DLG2: variants seen among roughly 807,000 people sequenced by gnomAD.
DLG2 encodes the protein discs large MAGUK scaffold protein 2.
In DLG2, 45 loss-of-function variants were observed where a neutral mutation model predicts 132.5. That is an observed-to-expected ratio of 0.34 (90% CI 0.27 to 0.44). DLG2 has a LOEUF of 0.44. Among genes scored for constraint, DLG2 ranks in the 20% least tolerant of loss-of-function variants. DLG2 has a pLI of 1.00. For missense variants in DLG2, 1,045 were observed against 1,196.9 expected (o/e 0.87, Z 1.87); for synonymous variants, 424 against 419.6 (o/e 1.01, Z -0.13).
chr11:85,341,551 A>C (rs2082504304), intron 3 of DLG2, among the ~76,000 whole-genome samples: 1 of 152,166 alleles, frequency 6.6e-6, no homozygotes, highest in Non-Finnish European at 1.5e-5. Context: ...TACAATGCTT[A>C]ATAGTAGTGA....
intron 4 of DLG2, among the ~76,000 whole-genome samples, chr11:85,166,005 TG>T (rs2078414202): frequency 6.6e-6 from 1 of 152,282 alleles, no homozygotes; most frequent in African/African-American, 2.4e-5. Context: ...TTTCAAATTG[TG>T]GTCCCCAGAC....
intron 6 of DLG2, among the ~76,000 whole-genome samples, chr11:84,889,522 G>A (rs879270710): frequency 5.3e-5 from 8 of 152,240 alleles, no homozygotes; most frequent in Non-Finnish European, 1.0e-4. Flanking sequence ...CAACAGTATA[G>A]ACAAGGAACT....
At chr11:85,347,100 T>A (rs1384504142) in intron 3 of DLG2, among the ~76,000 whole-genome samples, 1 of 152,106 alleles carries the variant, frequency 6.6e-6, no homozygotes, top group Non-Finnish European at 1.5e-5. Context: ...AATATAGATG[T>A]ATGTATGTAT....
intron 19 of DLG2, among the ~76,000 whole-genome samples, chr11:83,586,085 G>C (rs752113842): frequency 6.6e-6 from 1 of 152,232 alleles, no homozygotes; most frequent in Non-Finnish European, 1.5e-5. Context: ...CAAGTGCTGA[G>C]CATTAGGTAG....
In DLG2 at chr11:85,356,088, T is replaced by G. The variant is rs191587156; in HGVS notation, c.41-70723A>C. Among the ~76,000 whole-genome samples the G allele has an allele frequency of 7.9e-5, 12 of 152,254 alleles. No homozygotes were observed. In the East Asian group the frequency reaches 2.1e-3, roughly 27 times the overall value. On this transcript the variant is annotated intron_variant, in intron 3 of 27. Coordinates refer to ENST00000376104, the MANE Select transcript of DLG2 (RefSeq NM_001142699.3). ...GCCTGAACTATCCATTTAATCAGATTAAAGCCAATTTCATATTGCACATAA... is the reference window on the plus strand; with the variant it reads ...GCCTGAACTATCCATTTAATCAGATGAAAGCCAATTTCATATTGCACATAA...
chr11:85,519,293 T>C (rs1045968532), intron 3 of DLG2, among the ~76,000 whole-genome samples: 1 of 152,206 alleles, frequency 6.6e-6, no homozygotes, highest in African/African-American at 2.4e-5. Flanking sequence ...GGCTGTACCC[T>C]GAAAAACCAC....
intron 3 of DLG2, among the ~76,000 whole-genome samples, chr11:85,410,441 GA>G (rs2089209891): frequency 6.6e-6 from 1 of 151,550 alleles, no homozygotes; most frequent in South Asian, 2.1e-4. Flanking sequence ...TTTCTCAAAA[GA>G]ATTTACTTTC....
At chr11:85,625,020 T>C (rs1179413110) in intron 2 of DLG2, 1 of 152,198 alleles carries the variant, frequency 6.6e-6, no homozygotes, top group Non-Finnish European at 1.5e-5. Context: ...TTTAGAAACA[T>C]TAAGTTCTAA....
intron 4 of DLG2, among the ~76,000 whole-genome samples, chr11:85,255,283 A>T (rs906792850): frequency 1.3e-5 from 2 of 152,180 alleles, no homozygotes; most frequent in Non-Finnish European, 2.9e-5. Context: ...GAATTTTAGC[A>T]GTGTTTTAAT....
intron 6 of DLG2, among the ~76,000 whole-genome samples, chr11:84,831,244 A>G (rs946663859): frequency 2.0e-5 from 3 of 151,572 alleles, no homozygotes; most frequent in Non-Finnish European, 4.4e-5. Flanking sequence ...AGGGCAAGTG[A>G]GAGATTAGAC....
intron 6 of DLG2, among the ~76,000 whole-genome samples, chr11:84,600,240 A>AAG (rs2099573840): frequency 8.4e-5 from 12 of 143,578 alleles, no homozygotes; most frequent in South Asian, 2.3e-4. Flanking sequence ...GAAAGACAGA[A>AAG]AAGCAAGCAA....
chr11:85,294,535 C>A (rs1311878777), intron 3 of DLG2, among the ~76,000 whole-genome samples: 1 of 152,096 alleles, frequency 6.6e-6, no homozygotes, highest in Non-Finnish European at 1.5e-5. Context: ...AAATGTGTGA[C>A]CTTATGCAAG....
intron 6 of DLG2, among the ~76,000 whole-genome samples, chr11:84,837,803 T>G (rs1402066316): frequency 6.6e-6 from 1 of 151,788 alleles, no homozygotes; most frequent in African/African-American, 2.4e-5. Flanking sequence ...TTCCGCAATC[T>G]CCAGTGACAC....
chr11:85,248,590 T>C (rs1295991101), intron 4 of DLG2, among the ~76,000 whole-genome samples: 1 of 152,026 alleles, frequency 6.6e-6, no homozygotes, highest in Non-Finnish European at 1.5e-5. Flanking sequence ...TTAGGGAGGC[T>C]GGAGGTGCCA....
intron 3 of DLG2, among the ~76,000 whole-genome samples, chr11:85,305,261 T>C (rs920090194): frequency 1.3e-5 from 2 of 152,244 alleles, no homozygotes; most frequent in African/African-American, 4.8e-5. Context: ...GAAACTAAGC[T>C]GCTACTTTCC....
chr11:85,472,545 G>T (rs532656482), intron 3 of DLG2, among the ~76,000 whole-genome samples: 58 of 152,176 alleles, frequency 3.8e-4, no homozygotes, highest in Admixed American at 3.2e-3. Context: ...TGATCCACCC[G>T]CCTTGGCCTC....
intron 15 of DLG2, among the ~76,000 whole-genome samples, chr11:83,898,190 A>G (rs1455975822): frequency 6.6e-6 from 1 of 152,200 alleles, no homozygotes; most frequent in Non-Finnish European, 1.5e-5. Flanking sequence ...ATCATAAATT[A>G]TAAACTAAAC....
chr11:85,122,953 A>ATATATATATATATAT (rs1555376313), intron 5 of DLG2, among the ~76,000 whole-genome samples: 55 of 32,526 alleles, frequency 1.7e-3, no homozygotes, highest in African/African-American at 6.8e-3. Flanking sequence ...TATATATTAT[A>ATATATATATATATAT]TATATATATA....
chr11:85,494,762 C>T (rs577701748), intron 3 of DLG2, among the ~76,000 whole-genome samples: 6 of 151,046 alleles, frequency 4.0e-5, no homozygotes, highest in East Asian at 1.9e-4. Context: ...AAAGTTAAGA[C>T]GAAATATGAA....
Sources: allele counts gnomAD v4.1 joint callset (sites outside exome capture counted in the v4.1 genomes callset), GRCh38; gene constraint gnomAD v4.1.1; transcripts MANE v1.5; gene names NCBI Gene and HGNC (gene_info 2026-07-23, HGNC 2026-07-21).